CNTN5: variants seen among roughly 807,000 people sequenced by gnomAD.
CNTN5 encodes the protein contactin 5.
A neutral mutation model predicts 129.1 loss-of-function variants in CNTN5; 77 were observed. The ratio of observed to expected loss-of-function variants is 0.60; its 90% CI spans 0.50 to 0.72. The LOEUF (loss-of-function observed/expected upper bound fraction) is 0.72, where lower values mean the gene tolerates loss of function less well. Ranked by LOEUF, CNTN5 falls within the 30% of genes least tolerant of loss-of-function variation. The pLI, the probability that CNTN5 is intolerant of heterozygous loss-of-function variation, is 0.00. For synonymous variants in CNTN5, 509 were observed against 465.6 expected (o/e 1.09, Z -1.20); for missense variants, 1,478 against 1,328.8 (o/e 1.11, Z -1.75).
At chr11:99,804,987 C>T (rs1055265644) in intron 3 of CNTN5, among the ~76,000 whole-genome samples, 4 of 151,824 alleles carry the variant, frequency 2.6e-5, no homozygotes, top group Non-Finnish European at 4.4e-5. Flanking sequence ...AAAACATGGC[C>T]TCATCTATTT....
At position 99,684,853 on chromosome 11, in the gene CNTN5, C is replaced by T. The variant is rs1953718715; in HGVS notation, c.55+128584C>T. Among the ~76,000 whole-genome samples, 3 of 151,092 alleles carry T rather than the reference C, an allele frequency of 2.0e-5. No individual in the cohort carries two copies. In the South Asian group the frequency reaches 6.2e-4, roughly 31 times the overall value. On this transcript the variant is annotated intron_variant, in intron 3 of 24. Transcript: ENST00000524871. ...TTATATCTTCTCTTTCTCTTTTTTT[C>T]CATTGGTGATTCTTCAAAAATTTTA...
At chr11:100,161,910 T>C (rs2138365844) in intron 13 of CNTN5, among the ~76,000 whole-genome samples, 1 of 148,628 alleles carries the variant, frequency 6.7e-6, no homozygotes, top group Non-Finnish European at 1.5e-5. Context: ...CACCTAAGCA[T>C]TGACTGGTCT....
At chr11:100,262,224 T>A (rs531664146) in intron 17 of CNTN5, among the ~76,000 whole-genome samples, 1 of 152,172 alleles carries the variant, frequency 6.6e-6, no homozygotes, top group Admixed American at 6.5e-5. Flanking sequence ...ATTAGGGAAA[T>A]GTAAATCAAA....
At position 100,328,898 on chromosome 11, in the gene CNTN5, G is replaced by C. The variant is rs117546378; in HGVS notation, c.2731-11565G>C. Among the ~76,000 whole-genome samples, 42 of 152,288 alleles carry C rather than the reference G, an allele frequency of 2.8e-4. No individual in the cohort carries two copies. The East Asian group carries it at 7.4e-3, about 27-fold the overall frequency. ...ACTTGTGCTCCAAGAACTACCAAAG[G>C]AACATACCAGGAAAGCCAAGAGAAT... On this transcript the variant is annotated intron_variant, in intron 21 of 24. Coordinates refer to ENST00000524871, the MANE Select transcript of CNTN5 (RefSeq NM_014361.4).
intron 3 of CNTN5, among the ~76,000 whole-genome samples, chr11:99,675,927 A>T (rs1953261390): frequency 6.6e-6 from 1 of 152,126 alleles, no homozygotes; most frequent in Non-Finnish European, 1.5e-5. Context: ...ATATTAGATA[A>T]TATGTGAGAA....
intron 13 of CNTN5, among the ~76,000 whole-genome samples, chr11:100,159,977 G>A (rs1223211370): frequency 1.3e-5 from 2 of 151,724 alleles, no homozygotes; most frequent in Non-Finnish European, 2.9e-5. Flanking sequence ...TAGGCAGAAC[G>A]TGCAGGTTTG....
chr11:100,160,746 C>A (rs772622123), intron 13 of CNTN5, among the ~76,000 whole-genome samples: 3 of 151,838 alleles, frequency 2.0e-5, no homozygotes, highest in Non-Finnish European at 4.4e-5. Flanking sequence ...TAACATGCAC[C>A]GTATGCCAGG....
chr11:99,201,290 C>T (rs1859170734), intron 1 of CNTN5, among the ~76,000 whole-genome samples: 1 of 147,274 alleles, frequency 6.8e-6, no homozygotes, highest in South Asian at 2.2e-4. Flanking sequence ...TCCCAAAGTG[C>T]TGGGATTACA....
At chr11:100,095,615 A>G (rs1449248075) in intron 13 of CNTN5, among the ~76,000 whole-genome samples, 1 of 152,090 alleles carries the variant, frequency 6.6e-6, no homozygotes, top group Non-Finnish European at 1.5e-5. Context: ...CTCTATTTGA[A>G]TATCCTAGAG....
At chr11:99,570,977 A>C (rs1178083979) in intron 3 of CNTN5, among the ~76,000 whole-genome samples, 1 of 152,212 alleles carries the variant, frequency 6.6e-6, no homozygotes, top group African/African-American at 2.4e-5. Context: ...GATACTGTAC[A>C]TAAAGAATAA....
At chr11:99,415,441 C>T (rs146059531) in intron 2 of CNTN5, among the ~76,000 whole-genome samples, 238 of 152,294 alleles carry the variant, frequency 1.6e-3, no homozygotes, top group Middle Eastern at 0.01. Flanking sequence ...GGGTATGGGG[C>T]AGGGCCTCTC....
chr11:99,331,018 T>C (rs1865978021), intron 2 of CNTN5, among the ~76,000 whole-genome samples: 1 of 151,836 alleles, frequency 6.6e-6, no homozygotes, highest in African/African-American at 2.4e-5. Flanking sequence ...AAAAGCCTAC[T>C]GAGATGCATA....
intron 2 of CNTN5, among the ~76,000 whole-genome samples, chr11:99,530,713 T>C (rs1387900413): frequency 2.6e-5 from 4 of 152,168 alleles, no homozygotes; most frequent in African/African-American, 9.7e-5. Flanking sequence ...TTTCCCATGC[T>C]ATTCTTGTGA....
chr11:99,929,653 T>G (rs1950146361), intron 7 of CNTN5, among the ~76,000 whole-genome samples: 1 of 152,150 alleles, frequency 6.6e-6, no homozygotes, highest in Non-Finnish European at 1.5e-5. Context: ...CATCAGATCT[T>G]GTGAGAACTT....
At chr11:99,133,401 C>A (rs1189535260) in intron 1 of CNTN5, among the ~76,000 whole-genome samples, 1 of 151,320 alleles carries the variant, frequency 6.6e-6, no homozygotes, top group Non-Finnish European at 1.5e-5. Context: ...GAAAAATTGG[C>A]AAATGGGATC....
At chr11:100,180,927 A>C (rs899812529) in intron 13 of CNTN5, among the ~76,000 whole-genome samples, 1 of 151,986 alleles carries the variant, frequency 6.6e-6, no homozygotes, top group African/African-American at 2.4e-5. Context: ...GATGTGTACA[A>C]AGTGGATCAT....
chr11:99,081,084 C>A (rs79196174), intron 1 of CNTN5, among the ~76,000 whole-genome samples: 11,065 of 150,694 alleles, frequency 0.073, 624 homozygotes, highest in African/African-American at 0.16. Flanking sequence ...ATATGCAGCC[C>A]CCTGAAATAT....
At chr11:99,639,778 G>T (rs777739224) in intron 3 of CNTN5, among the ~76,000 whole-genome samples, 1 of 151,862 alleles carries the variant, frequency 6.6e-6, no homozygotes, top group Non-Finnish European at 1.5e-5. Flanking sequence ...TGGTCAGGCT[G>T]GTCTGAAACA....
In CNTN5 at chr11:99,473,721, A is replaced by C. The variant is rs948326893; in HGVS notation, c.-70-82424A>C. Among the ~76,000 whole-genome samples, 13 of 152,156 alleles carry C rather than the reference A, an allele frequency of 8.5e-5. No individual in the cohort carries two copies. The East Asian group carries it at 2.3e-3, about 27-fold the overall frequency. ...TATAATTAAAGTAAAAGCACATTTCAATTTAAACTCTAATTCACAGATAGT... is the reference window on the plus strand; with the variant it reads ...TATAATTAAAGTAAAAGCACATTTCCATTTAAACTCTAATTCACAGATAGT... On this transcript the variant is annotated intron_variant, in intron 2 of 24. Coordinates refer to ENST00000524871, the MANE Select transcript of CNTN5 (RefSeq NM_014361.4).
Sources: gnomAD v4.1 joint callset for allele counts (sites outside exome capture counted in the v4.1 genomes callset) on GRCh38, gnomAD v4.1.1 for gene constraint, MANE v1.5 for transcripts, NCBI Gene and HGNC (gene_info 2026-07-23, HGNC 2026-07-21) for gene names.